Variants in GPM6A observed in about 807,000 individuals in gnomAD.
GPM6A encodes the protein neuronal membrane glycoprotein M6-a.
Under a neutral mutation model 32.1 loss-of-function variants are expected in GPM6A, and 7 were observed. The ratio of observed to expected loss-of-function variants is 0.22; its 90% CI spans 0.12 to 0.41. The LOEUF (loss-of-function observed/expected upper bound fraction) is 0.41. Ranked by LOEUF, GPM6A falls within the 10% of genes least tolerant of loss-of-function variation. The pLI, the probability that GPM6A is intolerant of heterozygous loss-of-function variation, is 1.00. For missense variants in GPM6A, 235 were observed against 347.2 expected, an observed-to-expected ratio of 0.68 and a Z score of 2.57; for synonymous variants, 130 against 123.4, an observed-to-expected ratio of 1.05 and a Z score of -0.35.
chr4:175,880,200 T>C (rs1017423639), intron 1 of GPM6A, among the ~76,000 whole-genome samples: 1 of 152,164 alleles, frequency 6.6e-6, no homozygotes, highest in African/African-American at 2.4e-5. Context: ...TAGTTGTAGA[T>C]GTGTGGTATT....
intron 1 of GPM6A, among the ~76,000 whole-genome samples, chr4:175,882,483 A>C (rs1277219786): frequency 1.3e-5 from 2 of 152,064 alleles, no homozygotes; most frequent in African/African-American, 2.4e-5. Flanking sequence ...GATTTTTCAC[A>C]AATAATTTAT....
At chr4:175,847,494 GC>G (rs1261634149) in intron 1 of GPM6A, among the ~76,000 whole-genome samples, 1 of 152,060 alleles carries the variant, frequency 6.6e-6, no homozygotes, top group Non-Finnish European at 1.5e-5. Context: ...TGTGGATGCT[GC>G]CCACCACTCA....
At chr4:175,856,892 G>A (rs28713624) in intron 1 of GPM6A, among the ~76,000 whole-genome samples, 48,068 of 151,828 alleles carry the variant, frequency 0.32, 7,604 homozygotes, top group East Asian at 0.36. Flanking sequence ...GTTTTGGAGG[G>A]GGCATGGCAG....
chr4:175,635,168 A>G, intron 6 of GPM6A, 111 bp from the exon 7 acceptor site: 1 of 779,122 alleles, frequency 1.3e-6, no homozygotes, highest in Non-Finnish European at 2.1e-6. Flanking sequence ...AAATGTTCAC[A>G]TATAAAATGG....
At chr4:175,872,911 G>A (rs1292978124) in intron 1 of GPM6A, among the ~76,000 whole-genome samples, 1 of 152,090 alleles carries the variant, frequency 6.6e-6, no homozygotes, top group Non-Finnish European at 1.5e-5. Flanking sequence ...TACTCTCTGG[G>A]TTTACAGATA....
At chr4:175,755,961 A>G (rs1274501809) in intron 1 of GPM6A, among the ~76,000 whole-genome samples, 1 of 152,178 alleles carries the variant, frequency 6.6e-6, no homozygotes, top group East Asian at 1.9e-4. Context: ...AAGGCAAACC[A>G]AAAAAGGCAA....
intron 1 of GPM6A, among the ~76,000 whole-genome samples, chr4:175,878,541 G>A (rs961675184): frequency 2.6e-5 from 4 of 152,134 alleles, no homozygotes; most frequent in East Asian, 1.9e-4. Flanking sequence ...TGACCTGAGT[G>A]GTATCTTGGC....
intron 1 of GPM6A, among the ~76,000 whole-genome samples, chr4:175,908,497 C>T (rs753515040): frequency 5.3e-5 from 8 of 152,042 alleles, no homozygotes; most frequent in Non-Finnish European, 8.8e-5. Flanking sequence ...AATTATCAAA[C>T]ATAGACTGAA....
At chr4:175,818,403 T>C (rs1164963460) in intron 1 of GPM6A, among the ~76,000 whole-genome samples, 1 of 152,256 alleles carries the variant, frequency 6.6e-6, no homozygotes, top group Non-Finnish European at 1.5e-5. Flanking sequence ...ATTACAGAGC[T>C]ATTCCTCAAA....
In GPM6A at chr4:175,773,397, A is replaced by G. The variant is rs532208628; in HGVS notation, c.37+38794T>C. Among the ~76,000 whole-genome samples, 259 of 152,340 alleles carry G rather than the reference A, an allele frequency of 1.7e-3. 1 individual carries two copies. Among genetic ancestry groups the G allele is most frequent in the Non-Finnish European group, 3.2e-3 (220 of 68,024 alleles). On this transcript the variant is annotated intron_variant, in intron 1 of 6. Transcript: ENST00000393658. The stretch of plus-strand genomic sequence containing the variant: ...CTTTACAGTAAAAACAGAAAATAAG[A>G]AAACCTAATTGGCATAGATTGGTTG...
intron 1 of GPM6A, among the ~76,000 whole-genome samples, chr4:175,770,802 A>T (rs914268544): frequency 9.2e-5 from 14 of 152,044 alleles, no homozygotes; most frequent in African/African-American, 3.4e-4. Context: ...ATATACTTCG[A>T]TGGTACCTGT....
chr4:175,671,054 G>C (rs539617723), intron 3 of GPM6A, among the ~76,000 whole-genome samples: 2 of 151,840 alleles, frequency 1.3e-5, no homozygotes, highest in African/African-American at 2.4e-5. Flanking sequence ...AGTAGAGACA[G>C]GGTTTCACTA....
chr4:175,700,236 T>A (rs1330037470), intron 2 of GPM6A, among the ~76,000 whole-genome samples: 4 of 152,108 alleles, frequency 2.6e-5, no homozygotes, highest in South Asian at 4.1e-4. Flanking sequence ...ATGATATTTA[T>A]AAAAAATACT....
intron 3 of GPM6A, among the ~76,000 whole-genome samples, chr4:175,664,122 A>T (rs1254430540): frequency 2.0e-5 from 3 of 152,190 alleles, no homozygotes. Context: ...GATTCCAACT[A>T]TGACTTTCTG....
intron 1 of GPM6A, among the ~76,000 whole-genome samples, chr4:175,857,733 A>G (rs1390657535): frequency 6.6e-6 from 1 of 151,308 alleles, no homozygotes; most frequent in African/African-American, 2.5e-5. Flanking sequence ...AGATTTTCTG[A>G]AAAAAAGAAA....
intron 1 of GPM6A, among the ~76,000 whole-genome samples, chr4:175,841,760 A>G (rs1735943297): frequency 6.6e-6 from 1 of 152,178 alleles, no homozygotes; most frequent in African/African-American, 2.4e-5. Flanking sequence ...ATTTTTATAA[A>G]TGGAGGGATT....
chr4:175,949,991 G>A (rs530390134), intron 1 of GPM6A, among the ~76,000 whole-genome samples: 6 of 152,220 alleles, frequency 3.9e-5, no homozygotes, highest in African/African-American at 1.4e-4. Context: ...ATCAGACAAT[G>A]TATAAACACC....
intron 1 of GPM6A, among the ~76,000 whole-genome samples, chr4:175,804,636 CTATTAT>C (rs1734610590): frequency 6.6e-6 from 1 of 152,138 alleles, no homozygotes; most frequent in African/African-American, 2.4e-5. Context: ...TAAATATTAG[CTATTAT>C]TATTAATATT....
chr4:175,930,801 A>G (rs1286949024), intron 1 of GPM6A, among the ~76,000 whole-genome samples: 4 of 152,146 alleles, frequency 2.6e-5, no homozygotes, highest in Non-Finnish European at 5.9e-5. Context: ...TTCTCAGTTA[A>G]TATTACATAA....
Sources: gnomAD v4.1 joint callset for allele counts (sites outside exome capture counted in the v4.1 genomes callset) on GRCh38, gnomAD v4.1.1 for gene constraint, MANE v1.5 for transcripts, NCBI Gene and HGNC (gene_info 2026-07-23, HGNC 2026-07-21) for gene names.